The following HECW1 variants were observed in gnomAD, a reference collection of about 807,000 sequenced individuals.
HECW1 encodes the protein E3 ubiquitin-protein ligase HECW1.
Under a neutral mutation model 182.3 loss-of-function variants are expected in HECW1, and 61 were observed. The observed-to-expected ratio is 0.33, with a 90% CI of 0.27 to 0.41. The LOEUF is 0.41. Among genes scored for constraint, HECW1 ranks in the 10% least tolerant of loss-of-function variants. HECW1 has a pLI of 1.00. For synonymous variants in HECW1, 859 were observed against 832.6 expected, an observed-to-expected ratio of 1.03 and a Z score of -0.55; for missense variants, 1,739 against 2,108.9, an observed-to-expected ratio of 0.82 and a Z score of 3.44.
At chr7:43,297,771 C>G (rs962904336) in intron 3 of HECW1, among the ~76,000 whole-genome samples, 1 of 151,892 alleles carries the variant, frequency 6.6e-6, no homozygotes, top group African/African-American at 2.4e-5. Context: ...AGTGATTTTT[C>G]TAAAAAAAAA....
intron 26 of HECW1, among the ~76,000 whole-genome samples, chr7:43,545,320 G>A (rs2081515223): frequency 6.6e-6 from 1 of 152,114 alleles, no homozygotes; most frequent in African/African-American, 2.4e-5. Context: ...ACAAATAACT[G>A]AATGCATAAA....
At chr7:43,132,239 A>G (rs1180382129) in intron 2 of HECW1, among the ~76,000 whole-genome samples, 1 of 151,288 alleles carries the variant, frequency 6.6e-6, no homozygotes, top group Non-Finnish European at 1.5e-5. Context: ...ATAGATGTTA[A>G]CTATCATTTT....
intron 21 of HECW1, 103 bp downstream of exon 21, chr7:43,501,425 C>T: frequency 1.6e-6 from 1 of 633,814 alleles, no homozygotes; most frequent in Non-Finnish European, 2.8e-6. Flanking sequence ...TTTCTCTCGG[C>T]CTTCCCAATT....
At chr7:43,425,315 T>TAGATAGAC (rs2076327483) in intron 8 of HECW1, among the ~76,000 whole-genome samples, 1 of 151,522 alleles carries the variant, frequency 6.6e-6, no homozygotes, top group Admixed American at 6.6e-5. Context: ...GATAGATAGA[T>TAGATAGAC]AGATAGATAG....
At chr7:43,228,957 G>T (rs1027138616) in intron 2 of HECW1, among the ~76,000 whole-genome samples, 1 of 152,186 alleles carries the variant, frequency 6.6e-6, no homozygotes, top group African/African-American at 2.4e-5. Flanking sequence ...GGTAGATTCT[G>T]CATCATGAGT....
At chr7:43,457,720 A>G (rs917445871) in intron 13 of HECW1, among the ~76,000 whole-genome samples, 12 of 151,902 alleles carry the variant, frequency 7.9e-5, no homozygotes, top group Non-Finnish European at 1.5e-5. Flanking sequence ...GGTTGCAGTG[A>G]GCTGACATCA....
rs2082225073 is a variant in HECW1, at chr7:43,562,126, C to T, written c.*200C>T. ...GATCTAACCTTCAGGCTTCTCTCCTCTGTTTTCAATGAACTGCTAGCCTGT... is the reference window on the plus strand; with the variant it reads ...GATCTAACCTTCAGGCTTCTCTCCTTTGTTTTCAATGAACTGCTAGCCTGT... On this transcript the variant is annotated 3_prime_UTR_variant, in exon 30 of 30. Coordinates refer to ENST00000395891, the MANE Select transcript of HECW1 (RefSeq NM_015052.5). 5 of 553,102 alleles carry T rather than the reference C, an allele frequency of 9.0e-6. No homozygotes were observed. The highest frequency in any genetic ancestry group is 8.6e-5 in the South Asian group (4 of 46,662). 34.3% of individuals were successfully genotyped at this position (553,102 alleles called of 1,614,324 possible).
At chr7:43,369,029 G>A (rs1246843430) in intron 6 of HECW1, among the ~76,000 whole-genome samples, 1 of 152,136 alleles carries the variant, frequency 6.6e-6, no homozygotes, top group Non-Finnish European at 1.5e-5. Context: ...TGAAGCCCTG[G>A]TGTTTCATGG....
Position 43,554,771 on chromosome 7 carries a change from A to G in HECW1, c.4690A>G (p.Lys1564Glu), listed in dbSNP as rs1279263202. Residue 1564 changes from lysine to glutamate, a missense_variant, in exon 29 of 30, where the codon AAA becomes GAA. Coordinates refer to ENST00000395891, the MANE Select transcript of HECW1 (RefSeq NM_015052.5). ...LRRFCIEKWG[K>E]ITSLPRAHTC... ...GCGCTTCTGCATAGAGAAATGGGGGAAAATTACTTCTCTCCCCAGGTACAG... is the reference window on the plus strand; with the variant it reads ...GCGCTTCTGCATAGAGAAATGGGGGGAAATTACTTCTCTCCCCAGGTACAG... 8 of 1,613,524 alleles carry G rather than the reference A, an allele frequency of 5.0e-6. No individual in the cohort carries two copies. Among genetic ancestry groups the G allele is most frequent in the Middle Eastern group, 1.6e-4 (1 of 6,084 alleles).
At chr7:43,364,995 G>A (rs1816439601) in intron 6 of HECW1, among the ~76,000 whole-genome samples, 1 of 152,200 alleles carries the variant, frequency 6.6e-6, no homozygotes, top group African/African-American at 2.4e-5. Context: ...GCCAAAGACA[G>A]GGTGGGTAAA....
chr7:43,427,223 T>C (rs562212980), intron 8 of HECW1, among the ~76,000 whole-genome samples: 27 of 152,326 alleles, frequency 1.8e-4, no homozygotes, highest in Middle Eastern at 6.8e-3. Context: ...CTATGATCAA[T>C]ATAATGTCAG....
intron 3 of HECW1, among the ~76,000 whole-genome samples, chr7:43,251,452 A>G (rs1465168080): frequency 6.6e-6 from 1 of 152,046 alleles, no homozygotes; most frequent in African/African-American, 2.4e-5. Flanking sequence ...AGTAGCTGGG[A>G]TTACCAGTGC....
At chr7:43,262,280 T>C (rs1801264893) in intron 3 of HECW1, among the ~76,000 whole-genome samples, 1 of 144,184 alleles carries the variant, frequency 6.9e-6, no homozygotes, top group African/African-American at 2.5e-5. Flanking sequence ...CCTAAAGAAA[T>C]CAATAAATAT....
chr7:43,518,222 C>T (rs2080256685), intron 24 of HECW1, among the ~76,000 whole-genome samples: 1 of 152,152 alleles, frequency 6.6e-6, no homozygotes, highest in South Asian at 2.1e-4. Flanking sequence ...AGGCCGGGCA[C>T]AGTGGCTCAC....
At chr7:43,206,093 A>G (rs554467335) in intron 2 of HECW1, among the ~76,000 whole-genome samples, 1 of 152,298 alleles carries the variant, frequency 6.6e-6, no homozygotes, top group Non-Finnish European at 1.5e-5. Flanking sequence ...ACATTGGACT[A>G]GGGGAGAAAA....
chr7:43,166,507 G>T (rs958899517), intron 2 of HECW1, among the ~76,000 whole-genome samples: 1 of 152,128 alleles, frequency 6.6e-6, no homozygotes, highest in African/African-American at 2.4e-5. Context: ...ATGAGGGAAG[G>T]CTGACCCCTG....
At chr7:43,363,188 C>T (rs1250956694) in intron 6 of HECW1, among the ~76,000 whole-genome samples, 2 of 152,170 alleles carry the variant, frequency 1.3e-5, no homozygotes, top group Non-Finnish European at 2.9e-5. Flanking sequence ...CAGAAAATGG[C>T]CTCTAAAGTA....
intron 2 of HECW1, among the ~76,000 whole-genome samples, chr7:43,242,713 A>C: frequency 6.6e-6 from 1 of 152,046 alleles, no homozygotes; most frequent in East Asian, 1.9e-4. Flanking sequence ...GTCTTTTCCT[A>C]GTTGGACCTT....
intron 2 of HECW1, among the ~76,000 whole-genome samples, chr7:43,172,907 C>T (rs916164689): frequency 6.6e-6 from 1 of 152,194 alleles, no homozygotes; most frequent in African/African-American, 2.4e-5. Flanking sequence ...ACACATACAG[C>T]TAGACCATTT....
Sources: allele counts gnomAD v4.1 joint callset (sites outside exome capture counted in the v4.1 genomes callset), GRCh38; gene constraint gnomAD v4.1.1; transcripts MANE v1.5; gene names NCBI Gene and HGNC (gene_info 2026-07-23, HGNC 2026-07-21).